Variants in LMBR1 observed in about 807,000 individuals in gnomAD.
LMBR1 encodes limb development membrane protein 1.
A neutral mutation model predicts 73.9 loss-of-function variants in LMBR1; 52 were observed. The ratio of observed to expected loss-of-function variants is 0.70; its 90% CI spans 0.56 to 0.89. The LOEUF is 0.89. LMBR1 is among the 40% of genes least tolerant of loss of function. LMBR1 has a pLI of 0.00. For synonymous variants in LMBR1, 215 were observed against 209.4 expected, an observed-to-expected ratio of 1.03 and a Z score of -0.23; for missense variants, 539 against 579.8, an observed-to-expected ratio of 0.93 and a Z score of 0.72.
chr7:156,873,364 T>C (rs1799628799), intron 1 of LMBR1, among the ~76,000 whole-genome samples: 1 of 151,804 alleles, frequency 6.6e-6, no homozygotes, highest in Non-Finnish European at 1.5e-5. Context: ...TCGCGGTGAG[T>C]GTTACAGCTC....
At chr7:156,723,632 C>T (rs1348020140) in intron 15 of LMBR1, among the ~76,000 whole-genome samples, 1 of 152,092 alleles carries the variant, frequency 6.6e-6, no homozygotes, top group Non-Finnish European at 1.5e-5. Flanking sequence ...CAAGTAGGAA[C>T]TCTCAAGGGT....
At chr7:156,805,388 G>C (rs1021532657) in intron 4 of LMBR1, among the ~76,000 whole-genome samples, 1 of 151,946 alleles carries the variant, frequency 6.6e-6, no homozygotes, top group Non-Finnish European at 1.5e-5. Flanking sequence ...GCTAATTTTT[G>C]TATTTTTAGT....
chr7:156,870,498 G>A (rs1799111408), intron 1 of LMBR1, among the ~76,000 whole-genome samples: 1 of 152,210 alleles, frequency 6.6e-6, no homozygotes, highest in African/African-American at 2.4e-5. Context: ...GGGCGCAGTG[G>A]CTCACGCCTG....
At chr7:156,866,592 G>A (rs1379059321) in intron 1 of LMBR1, among the ~76,000 whole-genome samples, 2 of 149,590 alleles carry the variant, frequency 1.3e-5, no homozygotes, top group African/African-American at 4.9e-5. Context: ...TTTCTTATGA[G>A]TTTTTTCTGG....
chr7:156,794,428 T>C (rs1219291860), intron 5 of LMBR1, among the ~76,000 whole-genome samples: 1 of 152,156 alleles, frequency 6.6e-6, no homozygotes, highest in African/African-American at 2.4e-5. Flanking sequence ...AAAAATGACA[T>C]GTCACTGGGA....
chr7:156,856,558 TA>T lies in LMBR1; in HGVS notation c.67-19674del, dbSNP rs535945775. Among the ~76,000 whole-genome samples the T allele has an allele frequency of 9.0e-4, 136 of 151,856 alleles. 1 individual carries two copies. Among genetic ancestry groups the T allele is most frequent in the Middle Eastern group, 3.4e-3 (1 of 292 alleles). On this transcript the variant is annotated intron_variant, in intron 1 of 16. Coordinates refer to ENST00000353442, the MANE Select transcript of LMBR1 (RefSeq NM_022458.4). The stretch of plus-strand genomic sequence containing the variant: ...CAACATCGAGAAACCCCATCTCTAC[TA>T]AAAATACAAAAATTGGTTGGGCATG...
chr7:156,834,999 G>A (rs868311663), intron 2 of LMBR1, among the ~76,000 whole-genome samples: 1 of 152,100 alleles, frequency 6.6e-6, no homozygotes, highest in Non-Finnish European at 1.5e-5. Flanking sequence ...AATTAGCCAG[G>A]TGCGGTGGCG....
At chr7:156,890,240 T>A (rs1466366299) in intron 1 of LMBR1, among the ~76,000 whole-genome samples, 2 of 152,004 alleles carry the variant, frequency 1.3e-5, no homozygotes, top group South Asian at 2.1e-4. Context: ...AATAAAGCAT[T>A]TAGAGAAAAG....
intron 4 of LMBR1, among the ~76,000 whole-genome samples, chr7:156,808,368 T>C: frequency 6.6e-6 from 1 of 152,168 alleles, no homozygotes; most frequent in East Asian, 1.9e-4. Flanking sequence ...CTGGTAATAT[T>C]CTTTGCCCTT....
intron 9 of LMBR1, among the ~76,000 whole-genome samples, chr7:156,742,739 G>A (rs1819124399): frequency 1.3e-5 from 2 of 152,090 alleles, no homozygotes; most frequent in Admixed American, 1.3e-4. Flanking sequence ...AGAGGAGGAG[G>A]AAATACTTCC....
At chr7:156,698,574 C>T (rs185729535) in intron 15 of LMBR1, among the ~76,000 whole-genome samples, 289 of 152,318 alleles carry the variant, frequency 1.9e-3, no homozygotes, top group African/African-American at 6.2e-3. Context: ...CACATAGAAG[C>T]TGCCAAAGCT....
chr7:156,762,010 T>G, intron 8 of LMBR1, 124 bp downstream of exon 8: 1 of 582,244 alleles, frequency 1.7e-6, no homozygotes, highest in Non-Finnish European at 3.0e-6. Context: ...AAACAACAAT[T>G]TGAGTGATAA....
At chr7:156,775,290 C>T (rs1825923743) in intron 5 of LMBR1, among the ~76,000 whole-genome samples, 1 of 152,072 alleles carries the variant, frequency 6.6e-6, no homozygotes, top group South Asian at 2.1e-4. Flanking sequence ...ATCACTTGAA[C>T]CTGGGAGGAG....
intron 15 of LMBR1, among the ~76,000 whole-genome samples, chr7:156,708,153 A>G (rs1007794095): frequency 6.6e-5 from 10 of 152,216 alleles, no homozygotes; most frequent in Non-Finnish European, 1.2e-4. Context: ...ACTAATGTGC[A>G]GTTCCCACTT....
intron 5 of LMBR1, among the ~76,000 whole-genome samples, chr7:156,789,425 A>G (rs564556515): frequency 6.6e-6 from 1 of 152,354 alleles, no homozygotes; most frequent in Non-Finnish European, 1.5e-5. Context: ...GATTTATCAC[A>G]GGCTAAAATA....
chr7:156,719,154 C>T (rs1219992766), intron 15 of LMBR1, among the ~76,000 whole-genome samples: 3 of 143,722 alleles, frequency 2.1e-5, no homozygotes, highest in East Asian at 4.2e-4. Flanking sequence ...ACAACAGTCC[C>T]CAGAGTGTGA....
At chr7:156,866,605 ATT>A (rs112143582) in intron 1 of LMBR1, among the ~76,000 whole-genome samples, 7 of 137,738 alleles carry the variant, frequency 5.1e-5, no homozygotes, top group African/African-American at 2.7e-5. Context: ...TTTTCTGGGG[ATT>A]TTTTTTTTTT....
At chr7:156,750,927 T>C (rs971141391) in intron 9 of LMBR1, among the ~76,000 whole-genome samples, 4 of 152,066 alleles carry the variant, frequency 2.6e-5, no homozygotes, top group Non-Finnish European at 5.9e-5. Context: ...CTGGGCAATA[T>C]GGCAAAACCT....
chr7:156,792,915 GAA>G (rs76982808), intron 5 of LMBR1, among the ~76,000 whole-genome samples: 30 of 127,520 alleles, frequency 2.4e-4, no homozygotes, highest in Non-Finnish European at 3.0e-4. Context: ...GTGGCCACAG[GAA>G]AAAAAAAAAA....
Sources: allele counts gnomAD v4.1 joint callset (sites outside exome capture counted in the v4.1 genomes callset), GRCh38; gene constraint gnomAD v4.1.1; transcripts MANE v1.5; gene names NCBI Gene and HGNC (gene_info 2026-07-23, HGNC 2026-07-21).